The following SMARCA4 variants were observed in gnomAD, a reference collection of about 807,000 sequenced individuals.
SMARCA4 encodes SWI/SNF-related matrix-associated actin-dependent regulator of chromatin subfamily A member 4.
Under a neutral mutation model 193.9 loss-of-function variants are expected in SMARCA4, and 31 were observed. The ratio of observed to expected loss-of-function variants is 0.16; its 90% CI spans 0.12 to 0.22. The LOEUF (loss-of-function observed/expected upper bound fraction) is 0.22, where lower values mean the gene tolerates loss of function less well. Among genes scored for constraint, SMARCA4 ranks in the 10% least tolerant of loss-of-function variants. The pLI, the probability that SMARCA4 is intolerant of heterozygous loss-of-function variation, is 1.00. For synonymous variants in SMARCA4, 942 were observed against 933.1 expected (o/e 1.01, Z -0.17); for missense variants, 1,148 against 2,296.0 (o/e 0.50, Z 10.22).
rs1232715199 is a variant in SMARCA4, at chr19:11,033,828, C to T, written c.3836C>T (p.Ala1279Val). 5.1e-6 allele frequency: 4 copies of T among 779,698 alleles called. No individual in the cohort carries two copies. The highest frequency in any genetic ancestry group is 9.6e-6 in the Non-Finnish European group (4 of 418,186). 48.3% of individuals were successfully genotyped at this position (779,698 alleles called of 1,614,324 possible). A position where few individuals can be genotyped will look rare whatever the true frequency, so the allele number is the denominator to read the frequency against. The change falls in exon 27 of 35, where the codon GCG (alanine) becomes GTG (valine). Residue 1279 changes from alanine to valine, a missense_variant. Coordinates refer to ENST00000344626, the MANE Select transcript of SMARCA4 (RefSeq NM_003072.5). The surrounding 1 kb of genome is among the most constrained non-coding windows in gnomAD (Gnocchi z 9.8). ...TTCGCCCACACTGCCCCTCCGCCAG[C>T]GGGCGTCAACCCCGACTTGGAGGAG... ...ASFAHTAPPP[A>V]GVNPDLEEPP...
intron 1 of SMARCA4, among the ~76,000 whole-genome samples, chr19:10,969,254 T>C (rs981134374): frequency 1.3e-5 from 2 of 152,162 alleles, no homozygotes; most frequent in Non-Finnish European, 2.9e-5. Flanking sequence ...GGCCTTGTTA[T>C]GTTTATTTAA....
At chr19:10,991,090 T>C (rs2145875472) in intron 7 of SMARCA4, 60 bp from the exon 8 acceptor site, 1 of 1,605,382 alleles carries the variant, frequency 6.2e-7, no homozygotes, top group South Asian at 1.1e-5. Context: ...CATACGTGTT[T>C]GTCATTGTGG....
Position 10,987,907 on chromosome 19 carries a change from G to A in SMARCA4, c.1101G>A (p.Leu367=), listed in dbSNP as rs765808493. The part of the protein sequence containing the change: ...KPRGLDPVEI[L]QEREYRLQAR... ...GGGGCCTCGACCCTGTGGAGATCCTGCAGGAGCGCGAGTACAGGTGAGGGC... is the reference window on the plus strand; with the variant it reads ...GGGGCCTCGACCCTGTGGAGATCCTACAGGAGCGCGAGTACAGGTGAGGGC... Residue 367 remains leucine (L), a synonymous_variant, in exon 6 of 35, where the codon CTG becomes CTA. Transcript: ENST00000344626. The surrounding 1 kb of genome is among the most constrained non-coding windows in gnomAD (Gnocchi z 5.3). 1 of 1,612,932 alleles carries A rather than the reference G, an allele frequency of 6.2e-7. No homozygotes were observed. Among genetic ancestry groups the A allele is most frequent in the Non-Finnish European group, 8.5e-7 (1 of 1,179,948 alleles).
intron 29 of SMARCA4, chr19:11,040,099 A>T (rs1369137541): frequency 6.6e-6 from 1 of 151,528 alleles, no homozygotes; most frequent in Non-Finnish European, 1.5e-5. Flanking sequence ...AAAAAAGAAA[A>T]TTTAAAAATA....
At chr19:10,997,944 C>T (rs1179933553) in intron 11 of SMARCA4, among the ~76,000 whole-genome samples, 2 of 152,194 alleles carry the variant, frequency 1.3e-5, no homozygotes, top group East Asian at 1.9e-4. Context: ...TATAGGCCTT[C>T]GTATGAGGTT....
chr19:11,060,589 G>A, intron 34 of SMARCA4: 1 of 297,896 alleles, frequency 3.4e-6, no homozygotes, highest in Non-Finnish European at 6.5e-6. Context: ...CATAGAGAAT[G>A]GGCAGAAACG....
intron 34 of SMARCA4, 133 bp downstream of exon 34, chr19:11,060,320 C>A: frequency 1.8e-6 from 2 of 1,127,780 alleles, no homozygotes; most frequent in Non-Finnish European, 2.6e-6. Context: ...CTTGACCTGC[C>A]ATGGCTGACC....
intron 18 of SMARCA4, chr19:11,021,048 T>G (rs1282112687): frequency 6.2e-6 from 1 of 161,682 alleles, no homozygotes; most frequent in African/African-American, 2.4e-5. Flanking sequence ...TGCAGGCTCT[T>G]ACCTCAGGTC....
intron 30 of SMARCA4, among the ~76,000 whole-genome samples, chr19:11,047,418 T>G (rs375585179): frequency 6.6e-6 from 1 of 151,668 alleles, no homozygotes; most frequent in Non-Finnish European, 1.5e-5. Flanking sequence ...AGGTTTTTTT[T>G]TTTTTTTGGA....
intron 29 of SMARCA4, among the ~76,000 whole-genome samples, chr19:11,037,098 G>A (rs985686690): frequency 2.6e-5 from 4 of 152,150 alleles, no homozygotes; most frequent in Admixed American, 1.3e-4. Context: ...GAACATTCAC[G>A]TACACGTTTT....
chr19:11,042,095 T>C (rs546042372), intron 30 of SMARCA4, among the ~76,000 whole-genome samples: 1 of 152,266 alleles, frequency 6.6e-6, no homozygotes, highest in South Asian at 2.1e-4. Context: ...GGTGAGATGG[T>C]GGCCACACTC....
chr19:11,059,556 C>T (rs989482790), intron 32 of SMARCA4, among the ~76,000 whole-genome samples, 197 bp from the exon 33 acceptor site: 9 of 152,234 alleles, frequency 5.9e-5, no homozygotes, highest in Non-Finnish European at 1.2e-4. Context: ...GTCTGATGCT[C>T]GGGCCCCTAT....
intron 7 of SMARCA4, among the ~76,000 whole-genome samples, chr19:10,990,635 A>C (rs976012258): frequency 6.6e-6 from 1 of 151,184 alleles, no homozygotes; most frequent in Non-Finnish European, 1.5e-5. Flanking sequence ...CTAGTCTCGA[A>C]CTCCTGAGCT....
intron 1 of SMARCA4, among the ~76,000 whole-genome samples, chr19:10,962,089 A>G (rs1376070226): frequency 6.6e-6 from 1 of 151,390 alleles, no homozygotes; most frequent in African/African-American, 2.4e-5. Flanking sequence ...GATAGGCTGC[A>G]TTCAAGCTTG....
chr19:11,025,259 G>GC (rs1275192481), intron 21 of SMARCA4, among the ~76,000 whole-genome samples, 163 bp from the exon 22 acceptor site: 1 of 152,068 alleles, frequency 6.6e-6, no homozygotes, highest in Non-Finnish European at 1.5e-5. Flanking sequence ...GGGCCTCCGG[G>GC]CCTCCAGCCT....
intron 1 of SMARCA4, among the ~76,000 whole-genome samples, chr19:10,962,504 T>C (rs746874476): frequency 2.6e-5 from 4 of 152,060 alleles, no homozygotes; most frequent in Non-Finnish European, 5.9e-5. Context: ...TCACGGGGGC[T>C]GCTTGGAAGA....
rs755295556 is a variant in SMARCA4, at chr19:11,041,430, G to T, written c.4294G>T (p.Asp1432Tyr). 5 of 1,612,478 alleles carry T rather than the reference G, an allele frequency of 3.1e-6. No individual in the cohort carries two copies. Among genetic ancestry groups the T allele is most frequent in the Non-Finnish European group, 4.2e-6 (5 of 1,179,948 alleles). Reference protein sequence around the residue: ...STPTTSTRSRDKDDESKKQKK... With the variant: ...STPTTSTRSRYKDDESKKQKK... ...CCCGACCACCAGCACCCGCAGCCGC[G>T]ACAAGGACGACGAGAGCAAGAAGCA... The change falls in exon 30 of 35, where the codon GAC (aspartate) becomes TAC (tyrosine). Residue 1432 changes from aspartate to tyrosine, a missense_variant. Asp to Tyr is a radical substitution (Grantham distance 160). Around this residue, in one of 17 missense-constraint regions of SMARCA4, gnomAD observed 141 missense variants for 193.0 expected, o/e 0.73. Transcript: ENST00000344626. The surrounding 1 kb of genome is among the most constrained non-coding windows in gnomAD (Gnocchi z 5.6).
At chr19:11,047,979 C>T (rs1302028833) in intron 30 of SMARCA4, among the ~76,000 whole-genome samples, 3 of 152,028 alleles carry the variant, frequency 2.0e-5, no homozygotes, top group African/African-American at 7.3e-5. Context: ...TATTATTTGC[C>T]CATCATTGTC....
intron 16 of SMARCA4, among the ~76,000 whole-genome samples, chr19:11,016,255 C>T (rs911095528): frequency 1.3e-4 from 20 of 152,010 alleles, no homozygotes; most frequent in African/African-American, 4.8e-4. Context: ...ACAGGCCGTT[C>T]ACGAGGGTTC....
Sources: gnomAD v4.1 joint callset for allele counts (sites outside exome capture counted in the v4.1 genomes callset) on GRCh38, gnomAD v4.1.1 for gene constraint, gnomAD v4.1.1 regional missense constraint, Gnocchi (gnomAD v3.1) non-coding constraint, MANE v1.5 for transcripts, NCBI Gene and HGNC (gene_info 2026-07-23, HGNC 2026-07-21) for gene names.